The following ABHD12B variants were observed in gnomAD, a reference collection of about 807,000 sequenced individuals.
ABHD12B encodes the protein protein ABHD12B.
ABHD12B carries 42 observed loss-of-function variants against 50.4 expected under a neutral mutation model. The ratio of observed to expected loss-of-function variants is 0.83; its 90% CI spans 0.65 to 1.08. The LOEUF is 1.08. Ranked by LOEUF, ABHD12B falls within the 50% of genes least tolerant of loss-of-function variation. The pLI is 0.00. For missense variants in ABHD12B, 479 were observed against 447.7 expected, an observed-to-expected ratio of 1.07 and a Z score of -0.63; for synonymous variants, 167 against 160.3, an observed-to-expected ratio of 1.04 and a Z score of -0.32.
intron 4 of ABHD12B, 30 bp from the exon 5 acceptor site, chr14:50,881,563 CTTT>C (rs34965747): frequency 2.6e-5 from 36 of 1,411,006 alleles, no homozygotes; most frequent in African/African-American, 1.7e-4. Context: ...CTAATTCTTG[CTTT>C]TTTTTTTTTT....
At chr14:50,902,944 A>G (rs1389841400) in intron 10 of ABHD12B, among the ~76,000 whole-genome samples, 1 of 152,192 alleles carries the variant, frequency 6.6e-6, no homozygotes, top group Admixed American at 6.5e-5. Flanking sequence ...AAATTGCTAC[A>G]AAGAGGTCTC....
chr14:50,903,547 A>G, intron 11 of ABHD12B, 80 bp downstream of exon 11: 1 of 1,179,288 alleles, frequency 8.5e-7, no homozygotes, highest in Non-Finnish European at 1.2e-6. Context: ...CTTTGATTAG[A>G]GCCGAAAGGA....
intron 5 of ABHD12B, among the ~76,000 whole-genome samples, chr14:50,883,680 G>A (rs761313576): frequency 4.6e-5 from 7 of 152,374 alleles, no homozygotes; most frequent in South Asian, 2.1e-4. Context: ...TAGTTAGGAC[G>A]GGTGGGGAAG....
At chr14:50,902,345 G>A (rs917285606) in intron 10 of ABHD12B, among the ~76,000 whole-genome samples, 2 of 152,086 alleles carry the variant, frequency 1.3e-5, no homozygotes. Context: ...TTAGCCAGGC[G>A]TGGGGGCACG....
At chr14:50,883,733 T>C (rs1218452741) in intron 5 of ABHD12B, among the ~76,000 whole-genome samples, 1 of 152,254 alleles carries the variant, frequency 6.6e-6, no homozygotes, top group African/African-American at 2.4e-5. Context: ...AGGCAGATCG[T>C]GGGCATCAAG....
At chr14:50,889,238 C>T (rs1032953578) in intron 9 of ABHD12B, among the ~76,000 whole-genome samples, 3 of 152,194 alleles carry the variant, frequency 2.0e-5, no homozygotes, top group African/African-American at 7.2e-5. Context: ...CTATGAATGT[C>T]ATTTGAATAT....
chr14:50,899,916 T>G (rs2050243949), intron 9 of ABHD12B, among the ~76,000 whole-genome samples: 1 of 147,592 alleles, frequency 6.8e-6, no homozygotes, highest in Non-Finnish European at 1.5e-5. Context: ...AGTGAGACTC[T>G]GTCTAAAAAA....
intron 11 of ABHD12B, 95 bp from the exon 12 acceptor site, chr14:50,903,979 A>G: frequency 2.0e-6 from 2 of 998,234 alleles, no homozygotes; most frequent in Non-Finnish European, 3.0e-6. Flanking sequence ...CAAACTCCCC[A>G]AGTTAGCTGT....
At chr14:50,899,406 C>T (rs1010748783) in intron 9 of ABHD12B, among the ~76,000 whole-genome samples, 2 of 152,202 alleles carry the variant, frequency 1.3e-5, no homozygotes, top group African/African-American at 4.8e-5. Context: ...AGTCTCTATT[C>T]TATTATTACA....
In ABHD12B at chr14:50,885,605, G is replaced by A; in HGVS notation, c.487-9G>A. ...TAATTAAAGTGATAACAGCTCCTTTGTTACCTAGGTGCTGAGTGATGGTGG... is the reference window on the plus strand; with the variant it reads ...TAATTAAAGTGATAACAGCTCCTTTATTACCTAGGTGCTGAGTGATGGTGG... On this transcript the variant is annotated splice_polypyrimidine_tract_variant and intron_variant, in intron 5 of 12. Transcript: ENST00000337334. 6.2e-7 allele frequency: 1 copy of A among 1,614,148 alleles called. No individual in the cohort carries two copies. Among genetic ancestry groups the A allele is most frequent in the East Asian group, 2.2e-5 (1 of 44,886 alleles).
intron 5 of ABHD12B, among the ~76,000 whole-genome samples, chr14:50,883,394 T>C (rs1431687996): frequency 6.6e-6 from 1 of 152,186 alleles, no homozygotes; most frequent in Non-Finnish European, 1.5e-5. Context: ...TCCTCTCCTG[T>C]CCCCTCCCCT....
chr14:50,900,264 A>C (rs1483102947), intron 9 of ABHD12B, among the ~76,000 whole-genome samples: 1 of 152,194 alleles, frequency 6.6e-6, no homozygotes, highest in African/African-American at 2.4e-5. Flanking sequence ...TAAATAAAAT[A>C]AGTAATATCT....
intron 3 of ABHD12B, among the ~76,000 whole-genome samples, chr14:50,879,239 T>C (rs1368726366): frequency 6.6e-6 from 1 of 152,224 alleles, no homozygotes; most frequent in Non-Finnish European, 1.5e-5. Flanking sequence ...CTTACTTTAA[T>C]TGGTAATTTT....
chr14:50,896,257 A>G (rs969847602), intron 9 of ABHD12B, among the ~76,000 whole-genome samples: 9 of 151,776 alleles, frequency 5.9e-5, no homozygotes, highest in South Asian at 2.1e-4. Flanking sequence ...TCTCCTTACA[A>G]TTCCCCCGTT....
intron 4 of ABHD12B, 101 bp downstream of exon 4, chr14:50,880,672 T>A (rs2049930136): frequency 7.8e-7 from 1 of 1,278,346 alleles, no homozygotes; most frequent in South Asian, 2.4e-5. Context: ...TCTGTAGGCA[T>A]GCCTTCACAT....
intron 9 of ABHD12B, among the ~76,000 whole-genome samples, chr14:50,899,980 G>A (rs911316986): frequency 2.0e-5 from 3 of 151,888 alleles, no homozygotes; most frequent in African/African-American, 7.3e-5. Context: ...GCTCATGCCT[G>A]TAATCCCAGC....
rs7149344 is a variant in ABHD12B at position 50,892,389 on chromosome 14, A to G, written c.780+3486A>G. The G allele has an allele frequency of 3.3e-3, 3,276 of 984,194 alleles. 78 individuals are homozygous for G. The African/African-American group carries it at 0.054, about 16-fold the overall frequency. 61.0% of individuals were successfully genotyped at this position (984,194 alleles called of 1,614,324 possible). The stretch of plus-strand genomic sequence containing the variant: ...GCAGAACAAGGACGTGACCTCAGGC[A>G]AAGTCTAGCTTTGGCCTGATTCAGG... On this transcript the variant is annotated intron_variant, in intron 9 of 12. Transcript: ENST00000337334.
At position 50,904,438 on chromosome 14, in the gene ABHD12B, T is replaced by C; in HGVS notation, c.*72T>C. 1 of 1,596,642 alleles carries C rather than the reference T, an allele frequency of 6.3e-7. No individual in the cohort carries two copies. On this transcript the variant is annotated 3_prime_UTR_variant, in exon 13 of 13. Coordinates refer to ENST00000337334, the MANE Select transcript of ABHD12B (RefSeq NM_001206673.2). The stretch of plus-strand genomic sequence containing the variant: ...ACCTGTGATGTATATTGTTCTAATG[T>C]AAAATTGTACTGGGCTGGTCGGATG...
intron 9 of ABHD12B, among the ~76,000 whole-genome samples, chr14:50,899,995 T>C (rs1210739386): frequency 6.6e-6 from 1 of 151,980 alleles, no homozygotes; most frequent in Non-Finnish European, 1.5e-5. Context: ...CCCAGCCCTT[T>C]GGGTGGTCAA....
Sources: gnomAD v4.1 joint callset for allele counts (sites outside exome capture counted in the v4.1 genomes callset) on GRCh38, gnomAD v4.1.1 for gene constraint, MANE v1.5 for transcripts, NCBI Gene and HGNC (gene_info 2026-07-23, HGNC 2026-07-21) for gene names.